Variants in STK32B observed in about 807,000 individuals in gnomAD.
STK32B encodes serine/threonine-protein kinase 32B.
STK32B carries 43 observed loss-of-function variants against 52.6 expected under a neutral mutation model. That is an observed-to-expected ratio of 0.82 (90% CI 0.64 to 1.05). The LOEUF (loss-of-function observed/expected upper bound fraction) is 1.05. STK32B is among the 50% of genes least tolerant of loss of function. The pLI, the probability that STK32B is intolerant of heterozygous loss-of-function variation, is 0.00. For synonymous variants in STK32B, 238 were observed against 204.3 expected, an observed-to-expected ratio of 1.17 and a Z score of -1.41; for missense variants, 621 against 534.6, an observed-to-expected ratio of 1.16 and a Z score of -1.59.
At chr4:5,351,467 C>G (rs1733820929) in intron 4 of STK32B, among the ~76,000 whole-genome samples, 1 of 151,740 alleles carries the variant, frequency 6.6e-6, no homozygotes, top group Non-Finnish European at 1.5e-5. Context: ...AAAAGCAGTG[C>G]TAAGAGGGAA....
chr4:5,294,251 G>T (rs1296468320), intron 3 of STK32B, among the ~76,000 whole-genome samples: 1 of 152,134 alleles, frequency 6.6e-6, no homozygotes, highest in Non-Finnish European at 1.5e-5. Context: ...TTTTTGCTTA[G>T]GATTGTCTTG....
intron 3 of STK32B, among the ~76,000 whole-genome samples, chr4:5,219,270 C>A (rs909725062): frequency 6.6e-6 from 1 of 152,204 alleles, no homozygotes; most frequent in Admixed American, 6.5e-5. Context: ...GGTGGCCAGG[C>A]CCCCTCATGG....
rs1293113774 is a variant in STK32B, at chr4:5,317,459, T to C, written c.261-13761T>C. On this transcript the variant is annotated intron_variant, in intron 3 of 11. Transcript: ENST00000282908. ...TTACATATATACATAATATATATAATATATATGTATAATATATATATTACA... is the reference window on the plus strand; with the variant it reads ...TTACATATATACATAATATATATAACATATATGTATAATATATATATTACA... Among the ~76,000 whole-genome samples, 15 of 100,038 alleles carry C rather than the reference T, an allele frequency of 1.5e-4. No homozygotes were observed. The Admixed American group carries it at 1.8e-3, about 12-fold the overall frequency. The allele number at this position is 100,038 out of a possible 152,430, so 65.6% of individuals were successfully genotyped here.
At position 5,226,462 on chromosome 4, in the gene STK32B, T is replaced by G. The variant is rs184031690; in HGVS notation, c.260+58012T>G. Among the ~76,000 whole-genome samples, 409 of 152,326 alleles carry G rather than the reference T, an allele frequency of 2.7e-3. 1 individual carries two copies. Among genetic ancestry groups the G allele is most frequent in the African/African-American group, 9.5e-3 (393 of 41,574 alleles). ...TCAGAAGTAAATGATTCATAGGTTTTAAATTGCCCACCGTTCGGAAAAGCA... is the reference window on the plus strand; with the variant it reads ...TCAGAAGTAAATGATTCATAGGTTTGAAATTGCCCACCGTTCGGAAAAGCA... On this transcript the variant is annotated intron_variant, in intron 3 of 11. Transcript: ENST00000282908.
At chr4:5,319,703 GA>G (rs1367651837) in intron 3 of STK32B, among the ~76,000 whole-genome samples, 1 of 152,152 alleles carries the variant, frequency 6.6e-6, no homozygotes, top group Non-Finnish European at 1.5e-5. Flanking sequence ...CAGCTTCAAG[GA>G]AGAGAATACA....
intron 1 of STK32B, among the ~76,000 whole-genome samples, chr4:5,105,746 A>T (rs952473299): frequency 1.3e-5 from 2 of 151,392 alleles, no homozygotes; most frequent in African/African-American, 2.4e-5. Context: ...TGTATTTTTA[A>T]TAGAGACAGG....
chr4:5,092,095 C>T (rs1713108626), intron 1 of STK32B, among the ~76,000 whole-genome samples: 1 of 152,146 alleles, frequency 6.6e-6, no homozygotes, highest in South Asian at 2.1e-4. Flanking sequence ...TGGAGTGAAA[C>T]GTCCTGGAAT....
intron 6 of STK32B, among the ~76,000 whole-genome samples, chr4:5,422,530 A>C (rs1396543763): frequency 6.6e-6 from 1 of 152,212 alleles, no homozygotes; most frequent in South Asian, 2.1e-4. Flanking sequence ...AAAAAAAAAG[A>C]TCTCTCTAAA....
intron 4 of STK32B, among the ~76,000 whole-genome samples, chr4:5,373,287 G>A (rs988173828): frequency 2.6e-5 from 4 of 152,170 alleles, no homozygotes; most frequent in Non-Finnish European, 5.9e-5. Context: ...GTGGAGACTG[G>A]CAAGTCCCAA....
chr4:5,052,803 T>C (rs998040125), intron 1 of STK32B, among the ~76,000 whole-genome samples: 1 of 152,202 alleles, frequency 6.6e-6, no homozygotes, highest in African/African-American at 2.4e-5. Context: ...GGTTTCCTAC[T>C]GTGCTGACTC....
intron 1 of STK32B, 123 bp downstream of exon 1, chr4:5,052,038 C>T: frequency 1.4e-6 from 2 of 1,413,448 alleles, no homozygotes; most frequent in South Asian, 1.3e-5. Context: ...GGCCACTTCG[C>T]CCAGCGAATG....
chr4:5,386,326 T>A lies in STK32B; in HGVS notation c.435-11881T>A, dbSNP rs1736254779. ...GTATATGTTGAATGCTGGAAAGAGCTCCCGGCTGGTGTGAGTCCAGAGCCC... is the reference window on the plus strand; with the variant it reads ...GTATATGTTGAATGCTGGAAAGAGCACCCGGCTGGTGTGAGTCCAGAGCCC... On this transcript the variant is annotated intron_variant, in intron 4 of 11. Coordinates refer to ENST00000282908, the MANE Select transcript of STK32B (RefSeq NM_018401.3). This position sits in a 1 kb window ranked among gnomAD's most constrained non-coding sequence, Gnocchi z 4.5. 6.6e-6 allele frequency among the ~76,000 whole-genome samples: 1 copy of A among 151,990 alleles called. No homozygotes were observed. Among genetic ancestry groups the A allele is most frequent in the South Asian group, 2.1e-4 (1 of 4,822 alleles).
chr4:5,085,512 G>A (rs1712685741), intron 1 of STK32B, among the ~76,000 whole-genome samples: 1 of 152,150 alleles, frequency 6.6e-6, no homozygotes, highest in African/African-American at 2.4e-5. Flanking sequence ...AACACACATT[G>A]GAAGCATGGC....
chr4:5,108,102 G>A (rs144241581), intron 1 of STK32B, among the ~76,000 whole-genome samples: 1 of 152,176 alleles, frequency 6.6e-6, no homozygotes, highest in East Asian at 1.9e-4. Context: ...CCATTATTTA[G>A]CAATTTTCTG....
chr4:5,452,807 A>G (rs1008588468), intron 7 of STK32B, among the ~76,000 whole-genome samples: 2 of 152,062 alleles, frequency 1.3e-5, no homozygotes, highest in Non-Finnish European at 2.9e-5. Flanking sequence ...GTTTCCTGGA[A>G]TAGAGACATA....
chr4:5,401,339 A>G (rs1737281163), intron 5 of STK32B, among the ~76,000 whole-genome samples: 1 of 152,196 alleles, frequency 6.6e-6, no homozygotes, highest in Admixed American at 6.5e-5. Context: ...CAAGAGTTCC[A>G]TCATTGGTTG....
At chr4:5,287,575 T>G (rs930330276) in intron 3 of STK32B, among the ~76,000 whole-genome samples, 2 of 152,182 alleles carry the variant, frequency 1.3e-5, no homozygotes, top group African/African-American at 2.4e-5. Flanking sequence ...TTTTCATCCC[T>G]GAAACCAAGC....
At chr4:5,481,339 A>G (rs944107201) in intron 11 of STK32B, among the ~76,000 whole-genome samples, 1 of 152,284 alleles carries the variant, frequency 6.6e-6, no homozygotes, top group South Asian at 2.1e-4. Flanking sequence ...GCCAGAGCTG[A>G]TGAGCATTTT....
At chr4:5,477,391 T>G (rs1426314218) in intron 11 of STK32B, among the ~76,000 whole-genome samples, 1 of 152,152 alleles carries the variant, frequency 6.6e-6, no homozygotes, top group Non-Finnish European at 1.5e-5. Context: ...TCAAATGGCC[T>G]AAAACCCTCA....
Sources: allele counts gnomAD v4.1 joint callset (sites outside exome capture counted in the v4.1 genomes callset), GRCh38; gene constraint gnomAD v4.1.1; non-coding constraint Gnocchi (gnomAD v3.1); transcripts MANE v1.5; gene names NCBI Gene and HGNC (gene_info 2026-07-23, HGNC 2026-07-21).